The following ADGRA3 variants were observed in gnomAD, a reference collection of about 807,000 sequenced individuals.
The protein encoded by ADGRA3 is G-protein coupled receptor 125.
ADGRA3 carries 56 observed loss-of-function variants against 119.8 expected under a neutral mutation model. The ratio of observed to expected loss-of-function variants is 0.47; its 90% CI spans 0.38 to 0.58. The LOEUF is 0.58. ADGRA3 is among the 20% of genes least tolerant of loss of function. The probability of loss-of-function intolerance (pLI) is 0.00; values close to 1 mark genes in which losing one functional copy is unlikely to be tolerated. For missense variants in ADGRA3, 1,516 were observed against 1,649.0 expected (o/e 0.92, Z 1.40); for synonymous variants, 607 against 623.8 (o/e 0.97, Z 0.40).
At position 22,387,931 on chromosome 4, in the gene ADGRA3, G is replaced by A. The variant is rs766858551; in HGVS notation, c.3740C>T (p.Pro1247Leu). 1 of 1,614,122 alleles carries A rather than the reference G, an allele frequency of 6.2e-7. No individual in the cohort carries two copies. The highest frequency in any genetic ancestry group is 1.1e-5 in the South Asian group (1 of 91,082). ...CTTTTCAAAATTTCTGCTACTTTTGGGAAGTGTGCTACAAGCATCGCTGCT... is the reference window on the plus strand; with the variant it reads ...CTTTTCAAAATTTCTGCTACTTTTGAGAAGTGTGCTACAAGCATCGCTGCT... ...QDSSDACSTL[P>L]KSSRNFEKPV... is the part of the protein sequence containing the mutation. The change falls in exon 19 of 19, where the codon CCC becomes CTC. Residue 1247 changes from proline (P) to leucine (L), a missense_variant. By Grantham distance (98) the Pro-to-Leu change is moderately conservative. This residue lies in a region of ADGRA3 where 1,088 missense variants were observed against 1,107.1 expected (regional missense o/e 0.98). Coordinates refer to ENST00000334304, the MANE Select transcript of ADGRA3 (RefSeq NM_145290.4).
chr4:22,417,288 T>C (rs540497446), intron 12 of ADGRA3, among the ~76,000 whole-genome samples: 2 of 152,316 alleles, frequency 1.3e-5, no homozygotes, highest in African/African-American at 2.4e-5. Context: ...TACTCTGGGC[T>C]TGGAACTATG....
intron 14 of ADGRA3, 99 bp downstream of exon 14, chr4:22,413,083 A>AC (rs1715275382): frequency 2.1e-5 from 19 of 888,494 alleles, no homozygotes; most frequent in Admixed American, 1.1e-4. Context: ...AGTAAAAAAA[A>AC]AAAAAAAACA....
intron 1 of ADGRA3, among the ~76,000 whole-genome samples, chr4:22,498,321 G>C (rs1005561401): frequency 2.6e-5 from 4 of 151,452 alleles, no homozygotes; most frequent in Non-Finnish European, 5.9e-5. Context: ...GACAAAAAAA[G>C]AAAACCAGTT....
rs576138209 is a variant in ADGRA3 at position 22,498,234 on chromosome 4, C to G, written c.257+17294G>C. Among the ~76,000 whole-genome samples, 95 of 131,996 alleles carry G rather than the reference C, an allele frequency of 7.2e-4. 1 individual carries two copies. The highest frequency in any genetic ancestry group is 2.6e-3 in the African/African-American group (88 of 33,844). 86.6% of individuals were successfully genotyped at this position (131,996 alleles called of 152,430 possible). Reference sequence around the variant, plus strand: ...TGCACTACAGCCTGGGCAACAAAAGCGAAACGAGTTTCACAAACAAAAAAT... The same window carrying G: ...TGCACTACAGCCTGGGCAACAAAAGGGAAACGAGTTTCACAAACAAAAAAT... On this transcript the variant is annotated intron_variant, in intron 1 of 18. Transcript: ENST00000334304.
At chr4:22,419,583 A>T (rs1334396383) in intron 12 of ADGRA3, among the ~76,000 whole-genome samples, 2 of 152,136 alleles carry the variant, frequency 1.3e-5, no homozygotes, top group African/African-American at 2.4e-5. Flanking sequence ...CCAGAGGGGT[A>T]GGTTGTGAAA....
intron 1 of ADGRA3, among the ~76,000 whole-genome samples, chr4:22,482,057 G>A (rs967619480): frequency 1.2e-4 from 18 of 152,196 alleles, no homozygotes; most frequent in African/African-American, 4.1e-4. Flanking sequence ...CCTTTGATTG[G>A]ATGCATTGAC....
chr4:22,478,995 CT>C (rs1718151592), intron 1 of ADGRA3, among the ~76,000 whole-genome samples: 1 of 151,948 alleles, frequency 6.6e-6, no homozygotes, highest in Non-Finnish European at 1.5e-5. Context: ...AGGCAAAGGA[CT>C]AATTTTCTAA....
chr4:22,404,370 T>C (rs1364952694), intron 14 of ADGRA3, among the ~76,000 whole-genome samples: 2 of 152,144 alleles, frequency 1.3e-5, no homozygotes, highest in East Asian at 3.9e-4. Flanking sequence ...CAATCTACAA[T>C]TACAGATCTA....
chr4:22,433,819 C>A (rs1461150868), intron 10 of ADGRA3, among the ~76,000 whole-genome samples: 1 of 152,124 alleles, frequency 6.6e-6, no homozygotes, highest in East Asian at 1.9e-4. Context: ...AATCACAGAG[C>A]CAGAACCCAA....
chr4:22,470,021 G>A (rs573655340), intron 2 of ADGRA3, among the ~76,000 whole-genome samples: 33 of 152,188 alleles, frequency 2.2e-4, no homozygotes, highest in African/African-American at 7.9e-4. Flanking sequence ...CCCAAGCCTA[G>A]CACAGTGTGC....
At chr4:22,458,179 C>A (rs1459003423) in intron 3 of ADGRA3, among the ~76,000 whole-genome samples, 1 of 152,014 alleles carries the variant, frequency 6.6e-6, no homozygotes, top group Non-Finnish European at 1.5e-5. Context: ...AGATCTTAGC[C>A]CCTACACTTT....
intron 1 of ADGRA3, among the ~76,000 whole-genome samples, chr4:22,506,848 C>T (rs142791008): frequency 1.1e-4 from 16 of 152,228 alleles, no homozygotes; most frequent in African/African-American, 3.9e-4. Flanking sequence ...CTAAACTGTA[C>T]ATCAAGCATT....
In ADGRA3 at chr4:22,424,254, A is replaced by G. The variant is rs61744997; in HGVS notation, c.1542T>C (p.Ile514=). The G allele has an allele frequency of 0.046, 74,450 of 1,613,446 alleles. 3,192 individuals carry two copies. Among genetic ancestry groups the G allele is most frequent in the East Asian group, 0.22 (9,795 of 44,848 alleles). ...TAGCAATGCGCTGAAGACACTGCAC[A>G]ATCCTACTGCAGGCTTTAGCTTCCC... is the stretch of plus-strand genomic sequence containing the variant. The part of the protein sequence containing the change: ...AQREAKACSR[I]VQCLQRIATY... Residue 514 remains isoleucine (I), a synonymous_variant, in exon 11 of 19, where the codon ATT becomes ATC. Coordinates refer to ENST00000334304, the MANE Select transcript of ADGRA3 (RefSeq NM_145290.4).
At position 22,454,846 on chromosome 4, in the gene ADGRA3, G is replaced by C; in HGVS notation, c.473+20C>G. The C allele has an allele frequency of 3.2e-6, 5 of 1,574,678 alleles. No individual in the cohort carries two copies. Among genetic ancestry groups the C allele is most frequent in the Non-Finnish European group, 4.4e-6 (5 of 1,144,182 alleles). The stretch of plus-strand genomic sequence containing the variant: ...CAAATGCTTCCTTATCTTTTAATGG[G>C]AAAGAAAAGATATACTTACAGCCGA... On this transcript the variant is annotated intron_variant, in intron 4 of 18. Transcript: ENST00000334304.
At chr4:22,436,305 G>A in intron 9 of ADGRA3, 135 bp downstream of exon 9, 1 of 660,770 alleles carries the variant, frequency 1.5e-6, no homozygotes, top group Non-Finnish European at 2.6e-6. Flanking sequence ...CCTGAAGACA[G>A]TTAAGTCAAC....
At chr4:22,453,387 G>A (rs1717130139) in intron 4 of ADGRA3, among the ~76,000 whole-genome samples, 1 of 151,994 alleles carries the variant, frequency 6.6e-6, no homozygotes, top group Non-Finnish European at 1.5e-5. Context: ...ACAAAAATCA[G>A]GCCATATACC....
intron 12 of ADGRA3, chr4:22,414,575 T>G: frequency 2.9e-6 from 2 of 697,022 alleles, no homozygotes; most frequent in South Asian, 3.0e-5. Context: ...CTAACCTCTC[T>G]TCTTCTAATT....
chr4:22,431,619 C>T (rs937919553), intron 10 of ADGRA3, among the ~76,000 whole-genome samples: 4 of 152,182 alleles, frequency 2.6e-5, no homozygotes, highest in African/African-American at 9.7e-5. Context: ...CCATGTAAGA[C>T]ATGACTTTGC....
chr4:22,447,026 T>C (rs1716855693), intron 5 of ADGRA3, among the ~76,000 whole-genome samples: 1 of 30,014 alleles, frequency 3.3e-5, no homozygotes, highest in Non-Finnish European at 6.7e-5. Context: ...AGCTGTAAGT[T>C]TGATTTTAAG....
Sources: gnomAD v4.1 joint callset for allele counts (sites outside exome capture counted in the v4.1 genomes callset) on GRCh38, gnomAD v4.1.1 for gene constraint, gnomAD v4.1.1 regional missense constraint, MANE v1.5 for transcripts, NCBI Gene and HGNC (gene_info 2026-07-23, HGNC 2026-07-21) for gene names.